The following RAD51B variants were observed in gnomAD, a reference collection of about 807,000 sequenced individuals.
RAD51B encodes RAD51 paralog B.
A neutral mutation model predicts 42.2 loss-of-function variants in RAD51B; 38 were observed. The ratio of observed to expected loss-of-function variants is 0.90; its 90% CI spans 0.70 to 1.18. The LOEUF (loss-of-function observed/expected upper bound fraction) is 1.18. RAD51B is among the 50% of genes most tolerant of loss of function. The probability of loss-of-function intolerance (pLI) is 0.00; values close to 1 mark genes in which losing one functional copy is unlikely to be tolerated. For synonymous variants in RAD51B, 154 were observed against 145.2 expected, an observed-to-expected ratio of 1.06 and a Z score of -0.43; for missense variants, 373 against 400.7, an observed-to-expected ratio of 0.93 and a Z score of 0.59.
intron 7 of RAD51B, among the ~76,000 whole-genome samples, chr14:68,288,383 A>G (rs1019579100): frequency 2.0e-5 from 3 of 152,226 alleles, no homozygotes; most frequent in Non-Finnish European, 4.4e-5. Flanking sequence ...ATTTGGCTTT[A>G]AGACATGTAA....
chr14:68,469,560 G>A (rs2086070505), intron 10 of RAD51B, among the ~76,000 whole-genome samples: 1 of 152,194 alleles, frequency 6.6e-6, no homozygotes, highest in Admixed American at 6.5e-5. Context: ...TTCTGACAAA[G>A]GAGCAGAGAT....
At chr14:68,457,384 C>T (rs1463218615) in intron 9 of RAD51B, among the ~76,000 whole-genome samples, 1 of 151,916 alleles carries the variant, frequency 6.6e-6, no homozygotes, top group Non-Finnish European at 1.5e-5. Flanking sequence ...CATATCAAAG[C>T]TTATGTGGTG....
intron 7 of RAD51B, among the ~76,000 whole-genome samples, chr14:67,948,274 G>C (rs957266892): frequency 6.6e-6 from 1 of 152,148 alleles, no homozygotes; most frequent in African/African-American, 2.4e-5. Context: ...ATGTGATTAA[G>C]TTCAGAGAGG....
chr14:68,253,869 T>TA (rs1324650713), intron 7 of RAD51B, among the ~76,000 whole-genome samples: 3 of 152,228 alleles, frequency 2.0e-5, no homozygotes, highest in African/African-American at 7.2e-5. Context: ...TTGCTATATA[T>TA]TTTACTGTTA....
chr14:68,026,429 A>C (rs1331273619), intron 7 of RAD51B, among the ~76,000 whole-genome samples: 1 of 151,934 alleles, frequency 6.6e-6, no homozygotes, highest in East Asian at 1.9e-4. Flanking sequence ...TGATCTTTCT[A>C]ATGCTGTCAG....
intron 8 of RAD51B, among the ~76,000 whole-genome samples, chr14:68,293,395 G>A (rs2081552085): frequency 1.3e-5 from 2 of 152,122 alleles, no homozygotes; most frequent in Non-Finnish European, 2.9e-5. Context: ...TGAAAATCAG[G>A]TGGCTTGTTT....
At chr14:68,665,849 AT>A (rs1311985833) in intron 11 of RAD51B, among the ~76,000 whole-genome samples, 1 of 152,074 alleles carries the variant, frequency 6.6e-6, no homozygotes, top group Non-Finnish European at 1.5e-5. Flanking sequence ...AGTCCATGAG[AT>A]TTCAGTGCAG....
chr14:68,083,237 G>T (rs2076938916), intron 7 of RAD51B, among the ~76,000 whole-genome samples: 2 of 152,168 alleles, frequency 1.3e-5, no homozygotes. Context: ...TTTACTTTTT[G>T]ATTTTAGGGT....
At chr14:68,564,287 C>A (rs951231227) in intron 10 of RAD51B, among the ~76,000 whole-genome samples, 1 of 152,250 alleles carries the variant, frequency 6.6e-6, no homozygotes, top group Non-Finnish European at 1.5e-5. Context: ...TTATTTCCCT[C>A]GTCAACAGTC....
chr14:68,213,104 C>T (rs757562453), intron 7 of RAD51B, among the ~76,000 whole-genome samples: 3 of 152,212 alleles, frequency 2.0e-5, no homozygotes, highest in East Asian at 1.9e-4. Flanking sequence ...AAATTTCTGA[C>T]GAAAGCACAA....
At position 68,399,170 on chromosome 14, in the gene RAD51B, T is replaced by TG. The variant is rs908614785; in HGVS notation, c.854-12247dup. Among the ~76,000 whole-genome samples, 3 of 151,930 alleles carry TG rather than the reference T, an allele frequency of 2.0e-5. No homozygotes were observed. In the East Asian group the frequency reaches 5.8e-4, roughly 29 times the overall value. ...ACCTACATTTTCCCACTAATTTTTT[T>TG]GGGGGGGAAGGAGAGTTCAAACCTA... On this transcript the variant is annotated intron_variant, in intron 8 of 10. Transcript: ENST00000471583.
At chr14:67,965,375 C>CT (rs1339950055) in intron 7 of RAD51B, among the ~76,000 whole-genome samples, 13 of 140,622 alleles carry the variant, frequency 9.2e-5, no homozygotes, top group African/African-American at 3.1e-4. Flanking sequence ...TGTTTAGGCC[C>CT]TTTTCATCTT....
chr14:68,595,082 C>A (rs1890934471), exon 11 of RAD51B: 1 of 1,067,422 alleles, frequency 9.4e-7, no homozygotes, highest in South Asian at 4.5e-5. Flanking sequence ...CGATGCCTTC[C>A]CCTCTGCCTA....
chr14:67,822,439 G>A (rs1055767996), intron 1 of RAD51B: 1 of 152,250 alleles, frequency 6.6e-6, no homozygotes, highest in Admixed American at 6.6e-5. Context: ...CACTTTAGGA[G>A]GTCAAGGCGA....
At chr14:68,580,888 G>A (rs533542656) in intron 10 of RAD51B, among the ~76,000 whole-genome samples, 19 of 152,310 alleles carry the variant, frequency 1.2e-4, no homozygotes, top group African/African-American at 4.3e-4. Context: ...GGGCGGGGAC[G>A]TGGCAGCTGT....
At chr14:68,134,738 T>C (rs990960909) in intron 7 of RAD51B, among the ~76,000 whole-genome samples, 10 of 152,018 alleles carry the variant, frequency 6.6e-5, no homozygotes, top group African/African-American at 2.4e-4. Context: ...TGAAAGGATG[T>C]CTGTGTATAT....
At chr14:67,909,770 C>T (rs1294987227) in intron 7 of RAD51B, among the ~76,000 whole-genome samples, 1 of 152,148 alleles carries the variant, frequency 6.6e-6, no homozygotes, top group South Asian at 2.1e-4. Context: ...CCTTCACCTC[C>T]TGGGCTTAAG....
intron 8 of RAD51B, among the ~76,000 whole-genome samples, chr14:68,392,523 T>C (rs2083788554): frequency 6.6e-6 from 1 of 152,214 alleles, no homozygotes; most frequent in Non-Finnish European, 1.5e-5. Flanking sequence ...AACTGAATGA[T>C]TTGATCCCCA....
intron 7 of RAD51B, among the ~76,000 whole-genome samples, chr14:68,228,734 A>G (rs2080090134): frequency 6.6e-6 from 1 of 152,202 alleles, no homozygotes; most frequent in Non-Finnish European, 1.5e-5. Flanking sequence ...ACGTCAAATA[A>G]TCTATTCTCT....
Sources: allele counts gnomAD v4.1 joint callset (sites outside exome capture counted in the v4.1 genomes callset), GRCh38; gene constraint gnomAD v4.1.1; transcripts MANE v1.5; gene names NCBI Gene and HGNC (gene_info 2026-07-23, HGNC 2026-07-21).